Variants in PPFIA2 observed in about 807,000 individuals in gnomAD.
PPFIA2 encodes PPFI scaffold protein A2.
PPFIA2 carries 46 observed loss-of-function variants against 175.5 expected under a neutral mutation model. The observed-to-expected ratio is 0.26, with a 90% confidence interval of 0.21 to 0.34. PPFIA2 has a LOEUF of 0.34. Among genes scored for constraint, PPFIA2 ranks in the 10% least tolerant of loss-of-function variants. The probability of loss-of-function intolerance (pLI) is 1.00; values close to 1 mark genes in which losing one functional copy is unlikely to be tolerated. For missense variants in PPFIA2, 1,179 were observed against 1,506.1 expected (o/e 0.78, Z 3.60); for synonymous variants, 568 against 511.4 (o/e 1.11, Z -1.49).
At chr12:81,517,173 C>T (rs1042292949) in intron 4 of PPFIA2, among the ~76,000 whole-genome samples, 1 of 147,504 alleles carries the variant, frequency 6.8e-6, no homozygotes, top group Admixed American at 6.9e-5. Context: ...ACAGAATCCA[C>T]TCAAACTAGT....
chr12:81,683,739 G>A (rs1247864232), intron 3 of PPFIA2, among the ~76,000 whole-genome samples: 1 of 152,008 alleles, frequency 6.6e-6, no homozygotes, highest in East Asian at 1.9e-4. Context: ...CATCCATTTT[G>A]TGTTGCTATA....
rs2083132645 is a variant in PPFIA2, at chr12:81,746,888, A to T, written c.249+7085T>A. ...ACATACCTACTAGCCTAGAAAGGGAATGTTTATGGAGAATTAAGAGCATGG... is the reference window on the plus strand; with the variant it reads ...ACATACCTACTAGCCTAGAAAGGGATTGTTTATGGAGAATTAAGAGCATGG... On this transcript the variant is annotated intron_variant, in intron 3 of 32. Transcript: ENST00000549396. 1.4e-5 allele frequency among the ~76,000 whole-genome samples: 2 copies of T among 143,720 alleles called. 1 individual carries two copies. The highest frequency in any genetic ancestry group is 3.1e-5 in the Non-Finnish European group (2 of 64,146). The allele number at this position is 143,720 out of a possible 152,430, so 94.3% of individuals were successfully genotyped here. A position where few individuals can be genotyped will look rare whatever the true frequency, so the allele number is the denominator to read the frequency against.
chr12:81,560,738 G>A (rs531915787), intron 4 of PPFIA2, among the ~76,000 whole-genome samples: 4 of 152,204 alleles, frequency 2.6e-5, no homozygotes, highest in South Asian at 2.1e-4. Flanking sequence ...GAAAAAGGTC[G>A]TATTTGGAAT....
chr12:81,706,776 C>T (rs1057041737), intron 3 of PPFIA2, among the ~76,000 whole-genome samples: 7 of 152,166 alleles, frequency 4.6e-5, no homozygotes, highest in African/African-American at 1.7e-4. Context: ...AACTATACTA[C>T]AAGGCTACAG....
chr12:81,352,988 G>T, intron 17 of PPFIA2, 131 bp downstream of exon 17: 2 of 714,634 alleles, frequency 2.8e-6, no homozygotes, highest in Admixed American at 2.5e-5. Flanking sequence ...TGTGTACGGG[G>T]TGAGGTCTGA....
intron 28 of PPFIA2, among the ~76,000 whole-genome samples, chr12:81,277,053 A>G (rs1053154982): frequency 1.3e-5 from 2 of 152,196 alleles, no homozygotes; most frequent in Admixed American, 1.3e-4. Flanking sequence ...GTATAAGCAG[A>G]ATGTATAATT....
At chr12:81,529,641 T>C (rs2153276203) in intron 4 of PPFIA2, among the ~76,000 whole-genome samples, 1 of 151,976 alleles carries the variant, frequency 6.6e-6, no homozygotes, top group Middle Eastern at 3.4e-3. Flanking sequence ...AAGGCCATTT[T>C]TTGTTCAATG....
At chr12:81,598,668 A>C (rs2059500963) in intron 4 of PPFIA2, among the ~76,000 whole-genome samples, 1 of 151,282 alleles carries the variant, frequency 6.6e-6, no homozygotes, top group Non-Finnish European at 1.5e-5. Context: ...GTTCTTTTAT[A>C]ATTTATAGAT....
Position 81,428,905 on chromosome 12 carries a change from G to A in PPFIA2, c.645+11067C>T, listed in dbSNP as rs140190845. 1.4e-4 allele frequency among the ~76,000 whole-genome samples: 22 copies of A among 152,118 alleles called. No homozygotes were observed. The East Asian group carries it at 3.7e-3, about 25-fold the overall frequency. On this transcript the variant is annotated intron_variant, in intron 7 of 32. Transcript: ENST00000549396. ...TATCTTTAAGGAATATAAGTTCAGA[G>A]CTCCAAGGGTGTCACTGTCCTATGC...
intron 4 of PPFIA2, among the ~76,000 whole-genome samples, chr12:81,458,530 T>G (rs1172863460): frequency 6.6e-6 from 1 of 152,174 alleles, no homozygotes; most frequent in Admixed American, 6.6e-5. Context: ...AAATGGTATT[T>G]ATTTTTAGTT....
chr12:81,325,048 A>T (rs1437655986), intron 22 of PPFIA2, among the ~76,000 whole-genome samples: 3 of 152,050 alleles, frequency 2.0e-5, no homozygotes, highest in African/African-American at 4.8e-5. Context: ...AAAATGTGAA[A>T]ACCAAAAACA....
chr12:81,568,937 T>C (rs967545418), intron 4 of PPFIA2, among the ~76,000 whole-genome samples: 2 of 152,150 alleles, frequency 1.3e-5, no homozygotes, highest in Non-Finnish European at 2.9e-5. Context: ...TTCATATTTA[T>C]ATATTTAAAG....
At chr12:81,481,431 C>T (rs2058207036) in intron 4 of PPFIA2, among the ~76,000 whole-genome samples, 1 of 152,000 alleles carries the variant, frequency 6.6e-6, no homozygotes, top group African/African-American at 2.4e-5. Context: ...CCCGCATAGC[C>T]AAGACAATAC....
intron 3 of PPFIA2, among the ~76,000 whole-genome samples, chr12:81,704,376 AT>A (rs1339565979): frequency 3.9e-5 from 6 of 152,188 alleles, no homozygotes; most frequent in African/African-American, 1.4e-4. Context: ...TGAGTAAAAA[AT>A]AAAATGGTCA....
intron 3 of PPFIA2, among the ~76,000 whole-genome samples, chr12:81,680,024 C>G (rs902384831): frequency 6.6e-6 from 1 of 151,832 alleles, no homozygotes; most frequent in Admixed American, 6.6e-5. Flanking sequence ...GCAAATGTGT[C>G]TATTTTCTTA....
intron 8 of PPFIA2, among the ~76,000 whole-genome samples, chr12:81,403,979 T>C (rs953794047): frequency 1.3e-5 from 2 of 152,290 alleles, no homozygotes; most frequent in African/African-American, 4.8e-5. Context: ...TCTAAAACTT[T>C]CCTGCCCTGA....
intron 3 of PPFIA2, among the ~76,000 whole-genome samples, chr12:81,719,319 T>C (rs190873982): frequency 2.0e-5 from 3 of 151,584 alleles, no homozygotes; most frequent in Non-Finnish European, 4.4e-5. Flanking sequence ...CCATATCTTG[T>C]TTTCTTGAAA....
At chr12:81,634,220 T>G (rs2063730241) in intron 4 of PPFIA2, among the ~76,000 whole-genome samples, 1 of 152,082 alleles carries the variant, frequency 6.6e-6, no homozygotes, top group African/African-American at 2.4e-5. Flanking sequence ...TTTTGTAGCT[T>G]GCAATATGAA....
intron 4 of PPFIA2, among the ~76,000 whole-genome samples, chr12:81,496,087 T>TA (rs2059995247): frequency 6.6e-6 from 1 of 152,178 alleles, no homozygotes; most frequent in African/African-American, 2.4e-5. Flanking sequence ...CAGGAGTTTT[T>TA]ATAACTTAGA....
Sources: gnomAD v4.1 joint callset for allele counts (sites outside exome capture counted in the v4.1 genomes callset) on GRCh38, gnomAD v4.1.1 for gene constraint, MANE v1.5 for transcripts, NCBI Gene and HGNC (gene_info 2026-07-23, HGNC 2026-07-21) for gene names.